Variants in OSBPL3 observed in about 807,000 individuals in gnomAD.
The protein encoded by OSBPL3 is oxysterol binding protein like 3, also known as oxysterol-binding protein-related protein 3.
In OSBPL3, 65 loss-of-function variants were observed where a neutral mutation model predicts 120.1. That is an observed-to-expected ratio of 0.54 (90% CI 0.44 to 0.67). OSBPL3 has a LOEUF of 0.67. OSBPL3 is among the 30% of genes least tolerant of loss of function. The probability of loss-of-function intolerance (pLI) is 0.00; values close to 1 mark genes in which losing one functional copy is unlikely to be tolerated. For synonymous variants in OSBPL3, 416 were observed against 402.6 expected, an observed-to-expected ratio of 1.03 and a Z score of -0.40; for missense variants, 1,004 against 1,082.1, an observed-to-expected ratio of 0.93 and a Z score of 1.01.
chr7:24,887,231 T>A (rs1584507493), intron 2 of OSBPL3, among the ~76,000 whole-genome samples: 1 of 152,318 alleles, frequency 6.6e-6, no homozygotes, highest in Admixed American at 6.5e-5. Flanking sequence ...TAATAGGGTA[T>A]GATTAAGACA....
intron 1 of OSBPL3, among the ~76,000 whole-genome samples, chr7:24,949,449 G>A (rs545466493): frequency 3.9e-5 from 6 of 152,260 alleles, no homozygotes; most frequent in African/African-American, 7.2e-5. Flanking sequence ...TCTTACAATT[G>A]ACAGTCTTTG....
chr7:24,834,359 A>T lies in OSBPL3; in HGVS notation c.1746+127T>A. The T allele has an allele frequency of 6.6e-7, 1 of 1,507,224 alleles. No individual in the cohort carries two copies. The highest frequency in any genetic ancestry group is 8.9e-7 in the Non-Finnish European group (1 of 1,128,340). The allele number at this position is 1,507,224 out of a possible 1,614,324, so 93.4% of individuals were successfully genotyped here. ...GAAGCCAGACAGCTCTGAGTAATGA[A>T]CCTGTTTACGGAACAATCAAAATGA... On this transcript the variant is annotated intron_variant, in intron 15 of 22. Coordinates refer to ENST00000313367, the MANE Select transcript of OSBPL3 (RefSeq NM_015550.4). This position sits in a 1 kb window ranked among gnomAD's most constrained non-coding sequence, Gnocchi z 5.2.
In OSBPL3 at chr7:24,917,446, T is replaced by TATATTTGTAACATATATATATACAC. The variant is rs1366145573; in HGVS notation, c.-149-24826_-149-24825insGTGTATATATATATGTTACAAATAT. 8.3e-4 allele frequency among the ~76,000 whole-genome samples: 101 copies of TATATTTGTAACATATATATATACAC among 122,130 alleles called. 2 individuals are homozygous for TATATTTGTAACATATATATATACAC. Among genetic ancestry groups the TATATTTGTAACATATATATATACAC allele is most frequent in the African/African-American group, 2.9e-3 (94 of 32,462 alleles). The allele number at this position is 122,130 out of a possible 152,430, so 80.1% of individuals were successfully genotyped here. ...TATATATTTGTAACATATATATATA[T>TATATTTGTAACATATATATATACAC]ACACACACATATATATATATATACA... is the stretch of plus-strand genomic sequence containing the variant. On this transcript the variant is annotated intron_variant, in intron 1 of 22. Coordinates refer to ENST00000313367, the MANE Select transcript of OSBPL3 (RefSeq NM_015550.4).
rs147685669 is a variant in OSBPL3 at position 24,964,134 on chromosome 7, GAGA to G, written c.-150+15749_-150+15751del. ...AAAAAACTGATTGAATAAACAAATG[GAGA>G]AGAAGAAACAAATCCGACTCACAGA... On this transcript the variant is annotated intron_variant, in intron 1 of 22. Coordinates refer to ENST00000313367, the MANE Select transcript of OSBPL3 (RefSeq NM_015550.4). The surrounding 1 kb of genome is among the most constrained non-coding windows in gnomAD (Gnocchi z 4.2). Among the ~76,000 whole-genome samples the G allele has an allele frequency of 1.8e-3, 280 of 152,130 alleles. No individual in the cohort carries two copies. The highest frequency in any genetic ancestry group is 3.4e-3 in the Middle Eastern group (1 of 294).
chr7:24,880,354 A>G (rs1395865019), intron 2 of OSBPL3, among the ~76,000 whole-genome samples: 1 of 152,160 alleles, frequency 6.6e-6, no homozygotes, highest in Non-Finnish European at 1.5e-5. Context: ...GAAGCAAACT[A>G]GCACTCAGCT....
Position 24,879,441 on chromosome 7 carries a change from T to C in OSBPL3, c.97-7372A>G, listed in dbSNP as rs1384681245. Reference sequence around the variant, plus strand: ...TTCCCTTCACACACAGATGTAGCTCTCCAACCTCAGGCCAGAGCTAGGGAA... The same window carrying C: ...TTCCCTTCACACACAGATGTAGCTCCCCAACCTCAGGCCAGAGCTAGGGAA... On this transcript the variant is annotated intron_variant, in intron 2 of 22. Transcript: ENST00000313367. The surrounding 1 kb of genome is among the most constrained non-coding windows in gnomAD (Gnocchi z 5.6). Among the ~76,000 whole-genome samples the C allele has an allele frequency of 6.6e-6, 1 of 152,158 alleles. No homozygotes were observed. The highest frequency in any genetic ancestry group is 1.5e-5 in the Non-Finnish European group (1 of 68,028).
At chr7:24,911,862 AG>A (rs1335743608) in intron 1 of OSBPL3, among the ~76,000 whole-genome samples, 1 of 152,214 alleles carries the variant, frequency 6.6e-6, no homozygotes, top group Non-Finnish European at 1.5e-5. Flanking sequence ...GAGACATAAA[AG>A]GAAAAGGCAG....
rs948356027 is a variant in OSBPL3, at chr7:24,918,585, T to A, written c.-149-25964A>T. Among the ~76,000 whole-genome samples the A allele has an allele frequency of 6.6e-6, 1 of 152,212 alleles. No individual in the cohort carries two copies. The highest frequency in any genetic ancestry group is 1.5e-5 in the Non-Finnish European group (1 of 68,036). The stretch of plus-strand genomic sequence containing the variant: ...AGAAACATATGTACAAGCAATTAAC[T>A]TTATATTTACCCAAGCAAATAAGAA... On this transcript the variant is annotated intron_variant, in intron 1 of 22. Coordinates refer to ENST00000313367, the MANE Select transcript of OSBPL3 (RefSeq NM_015550.4). This position sits in a 1 kb window ranked among gnomAD's most constrained non-coding sequence, Gnocchi z 4.3.
rs1812426176 is a variant in OSBPL3, at chr7:24,936,378, G to T, written c.-150+43508C>A. Among the ~76,000 whole-genome samples the T allele has an allele frequency of 6.6e-6, 1 of 152,152 alleles. No individual in the cohort carries two copies. The highest frequency in any genetic ancestry group is 2.1e-4 in the South Asian group (1 of 4,828). On this transcript the variant is annotated intron_variant, in intron 1 of 22. Transcript: ENST00000313367. The surrounding 1 kb of genome is among the most constrained non-coding windows in gnomAD (Gnocchi z 4.2). ...AGACTATGTACTAAAATTATGCAAA[G>T]GTTCTCCAAGACCTCAACATGCACA...
chr7:24,875,776 T>C (rs1343657555), intron 2 of OSBPL3, among the ~76,000 whole-genome samples: 1 of 150,634 alleles, frequency 6.6e-6, no homozygotes, highest in Non-Finnish European at 1.5e-5. Context: ...TTTACATATA[T>C]AAATTTTATA....
intron 12 of OSBPL3, among the ~76,000 whole-genome samples, chr7:24,842,857 G>T (rs909790857): frequency 2.6e-5 from 4 of 152,222 alleles, no homozygotes; most frequent in Non-Finnish European, 4.4e-5. Context: ...CTCTCTGAGG[G>T]AACAATATGC....
chr7:24,915,104 C>T (rs1025935889), intron 1 of OSBPL3, among the ~76,000 whole-genome samples: 7 of 152,188 alleles, frequency 4.6e-5, no homozygotes, highest in African/African-American at 1.7e-4. Context: ...TGCCTTTTCA[C>T]AGTGGGCAGG....
chr7:24,872,726 T>C lies in OSBPL3; in HGVS notation c.97-657A>G, dbSNP rs541778081. ...CTTTGTTTCAAAAACTTTTCTTTCT[T>C]TGGCCAATTATTACAAATAGTTGTT... On this transcript the variant is annotated intron_variant, in intron 2 of 22. Transcript: ENST00000313367. The surrounding 1 kb of genome is among the most constrained non-coding windows in gnomAD (Gnocchi z 4.1). Among the ~76,000 whole-genome samples, 80 of 152,338 alleles carry C rather than the reference T, an allele frequency of 5.3e-4. No homozygotes were observed. The highest frequency in any genetic ancestry group is 1.0e-3 in the South Asian group (5 of 4,832).
intron 1 of OSBPL3, 29 bp from the exon 2 acceptor site, chr7:24,892,650 A>G: frequency 2.3e-6 from 3 of 1,329,010 alleles, no homozygotes; most frequent in Non-Finnish European, 2.9e-6. Flanking sequence ...AAAGAAGGTC[A>G]GAGGCATCAG....
rs1183384438 is a variant in OSBPL3 at position 24,913,740 on chromosome 7, T to C, written c.-149-21119A>G. Among the ~76,000 whole-genome samples, 6 of 152,270 alleles carry C rather than the reference T, an allele frequency of 3.9e-5. No homozygotes were observed. Among genetic ancestry groups the C allele is most frequent in the East Asian group, 3.9e-4 (2 of 5,180 alleles). ...AGTTGAAGCTGTGATTGGGAGTGCA[T>C]TGTCATGTGGTAACTGAGCCACAGA... is the stretch of plus-strand genomic sequence containing the variant. On this transcript the variant is annotated intron_variant, in intron 1 of 22. Coordinates refer to ENST00000313367, the MANE Select transcript of OSBPL3 (RefSeq NM_015550.4). The surrounding 1 kb of genome is among the most constrained non-coding windows in gnomAD (Gnocchi z 5.3).
chr7:24,830,412 T>A lies in OSBPL3; in HGVS notation c.1884+356A>T, dbSNP rs538574002. On this transcript the variant is annotated intron_variant, in intron 16 of 22. Coordinates refer to ENST00000313367, the MANE Select transcript of OSBPL3 (RefSeq NM_015550.4). The surrounding 1 kb of genome is among the most constrained non-coding windows in gnomAD (Gnocchi z 4.4). ...CTACCCACTCTGCTGGGGGCATTCATGCTCTGGAATAATGATGTCAGTGTG... is the reference window on the plus strand; with the variant it reads ...CTACCCACTCTGCTGGGGGCATTCAAGCTCTGGAATAATGATGTCAGTGTG... 6.6e-6 allele frequency among the ~76,000 whole-genome samples: 1 copy of A among 152,252 alleles called. No homozygotes were observed. The highest frequency in any genetic ancestry group is 1.5e-5 in the Non-Finnish European group (1 of 68,044).
intron 1 of OSBPL3, among the ~76,000 whole-genome samples, chr7:24,970,667 G>A (rs985547910): frequency 6.6e-6 from 1 of 152,168 alleles, no homozygotes; most frequent in Non-Finnish European, 1.5e-5. Context: ...CTTTGAGGTC[G>A]GGGCTGTGGC....
rs1256048178 is a variant in OSBPL3 at position 24,820,332 on chromosome 7, G to A, written c.1885-94C>T. On this transcript the variant is annotated intron_variant, in intron 16 of 22. Transcript: ENST00000313367. The surrounding 1 kb of genome is among the most constrained non-coding windows in gnomAD (Gnocchi z 4.6). ...CTCCCCTGCACTGAGATGTAACAGC[G>A]TGCAATGCTGAACTGAAGGAAAAAC... is the stretch of plus-strand genomic sequence containing the variant. The A allele has an allele frequency of 1.8e-5, 16 of 911,032 alleles. 1 individual carries two copies. The highest frequency in any genetic ancestry group is 4.2e-5 in the South Asian group (3 of 70,706). The allele number at this position is 911,032 out of a possible 1,614,324, so 56.4% of individuals were successfully genotyped here. A position where few individuals can be genotyped will look rare whatever the true frequency, so the allele number is the denominator to read the frequency against.
In OSBPL3 at chr7:24,938,834, T is replaced by TGTGTGTGTGTG. The variant is rs1584680519; in HGVS notation, c.-150+41051_-150+41052insCACACACACAC. Among the ~76,000 whole-genome samples, 3 of 142,966 alleles carry TGTGTGTGTGTG rather than the reference T, an allele frequency of 2.1e-5. No homozygotes were observed. The highest frequency in any genetic ancestry group is 7.1e-5 in the Admixed American group (1 of 14,150). 93.8% of individuals were successfully genotyped at this position (142,966 alleles called of 152,430 possible). On this transcript the variant is annotated intron_variant, in intron 1 of 22. Coordinates refer to ENST00000313367, the MANE Select transcript of OSBPL3 (RefSeq NM_015550.4). This position sits in a 1 kb window ranked among gnomAD's most constrained non-coding sequence, Gnocchi z 5.8. ...GTGTGTGTGTGTGTGTGTGTGTGTG[T>TGTGTGTGTGTG]TTTGAGAGCAAAACTAATGTGGCCA...
Sources: allele counts gnomAD v4.1 joint callset (sites outside exome capture counted in the v4.1 genomes callset), GRCh38; gene constraint gnomAD v4.1.1; non-coding constraint Gnocchi (gnomAD v3.1); transcripts MANE v1.5; gene names NCBI Gene and HGNC (gene_info 2026-07-23, HGNC 2026-07-21).